COL6A6: variants seen among roughly 807,000 people sequenced by gnomAD.
COL6A6 encodes collagen alpha-6(VI) chain.
COL6A6 carries 183 observed loss-of-function variants against 208.6 expected under a neutral mutation model. The ratio of observed to expected loss-of-function variants is 0.88; its 90% confidence interval spans 0.78 to 0.99. The LOEUF (loss-of-function observed/expected upper bound fraction) is 0.99, where lower values mean the gene tolerates loss of function less well. COL6A6 is among the 50% of genes least tolerant of loss of function. The pLI is 0.00. For missense variants in COL6A6, 2,816 were observed against 2,815.2 expected (o/e 1.00, Z -0.01); for synonymous variants, 973 against 1,011.8 (o/e 0.96, Z 0.73).
At chr3:130,536,222 G>A (rs2062220857) in intron 1 of COL6A6, among the ~76,000 whole-genome samples, 1 of 152,062 alleles carries the variant, frequency 6.6e-6, no homozygotes, top group Non-Finnish European at 1.5e-5. Flanking sequence ...ACCAAATTCT[G>A]TTCATCCTTT....
chr3:130,580,361 A>G (rs2063391301), intron 8 of COL6A6, among the ~76,000 whole-genome samples: 1 of 152,192 alleles, frequency 6.6e-6, no homozygotes, highest in South Asian at 2.1e-4. Context: ...TAACACTTTG[A>G]TTTACCTTGA....
chr3:130,621,825 C>A lies in COL6A6; in HGVS notation c.4820C>A (p.Pro1607His), dbSNP rs764725422. The stretch of plus-strand genomic sequence containing the variant: ...AAACCCCTTGTTTTGTTTCAGGGGC[C>A]TCCAGGACCCGGAGGAGAGGCAGGG... ...GGVGSKGPQG[P>H]PGPGGEAGNQ... Residue 1607 changes from proline (P) to histidine (H), a missense_variant, in exon 24 of 37, where the codon CCT (proline) becomes CAT (histidine). By Grantham distance (77) the Pro-to-His change is moderately conservative. Transcript: ENST00000358511. The A allele has an allele frequency of 6.2e-7, 1 of 1,613,720 alleles. No individual in the cohort carries two copies. The highest frequency in any genetic ancestry group is 1.1e-5 in the South Asian group (1 of 91,066).
chr3:130,581,046 A>G (rs1490346267), intron 8 of COL6A6, among the ~76,000 whole-genome samples: 1 of 152,048 alleles, frequency 6.6e-6, no homozygotes, highest in East Asian at 1.9e-4. Context: ...GAAGACAACA[A>G]GAGGAATCAA....
At chr3:130,561,347 T>C (rs1002041952) in intron 2 of COL6A6, among the ~76,000 whole-genome samples, 4 of 152,240 alleles carry the variant, frequency 2.6e-5, no homozygotes, top group Admixed American at 6.5e-5. Context: ...CTCTCACTTA[T>C]TTCTTCCCCT....
intron 11 of COL6A6, among the ~76,000 whole-genome samples, chr3:130,586,942 T>C (rs1410985791): frequency 6.6e-6 from 1 of 152,178 alleles, no homozygotes; most frequent in African/African-American, 2.4e-5. Flanking sequence ...GTCCAAATTA[T>C]AGCCAAAGAA....
At chr3:130,577,628 G>A (rs2063328201) in intron 8 of COL6A6, among the ~76,000 whole-genome samples, 1 of 152,230 alleles carries the variant, frequency 6.6e-6, no homozygotes, top group African/African-American at 2.4e-5. Context: ...GGTTCAGCAT[G>A]TGGACTCCAG....
At chr3:130,547,594 C>T (rs1310007963) in intron 1 of COL6A6, among the ~76,000 whole-genome samples, 1 of 152,252 alleles carries the variant, frequency 6.6e-6, no homozygotes, top group Non-Finnish European at 1.5e-5. Flanking sequence ...CGAGTGAGGG[C>T]CGCCAGCATG....
chr3:130,675,945 A>C lies in COL6A6; in HGVS notation c.*548A>C, dbSNP rs1019703143. On this transcript the variant is annotated 3_prime_UTR_variant, in exon 37 of 37. Transcript: ENST00000358511. ...GAGTTGTTTGCTTGGACTGATGAGA[A>C]GAGGGTAATTTTCTCCATCTCTAAA... 6.6e-6 allele frequency: 1 copy of C among 152,172 alleles called. No homozygotes were observed. The highest frequency in any genetic ancestry group is 2.4e-5 in the African/African-American group (1 of 41,428). 9.4% of individuals were successfully genotyped at this position (152,172 alleles called of 1,614,324 possible).
chr3:130,542,108 G>T (rs2062378313), intron 1 of COL6A6, among the ~76,000 whole-genome samples: 1 of 149,424 alleles, frequency 6.7e-6, no homozygotes. Context: ...TCTTTTTCAG[G>T]GAACCATCTT....
At chr3:130,663,458 A>G (rs1018942306) in intron 35 of COL6A6, among the ~76,000 whole-genome samples, 1 of 152,132 alleles carries the variant, frequency 6.6e-6, no homozygotes, top group Non-Finnish European at 1.5e-5. Flanking sequence ...ATGTGGATGT[A>G]TTCTGGAATA....
chr3:130,555,531 C>T (rs1045356978), intron 1 of COL6A6, among the ~76,000 whole-genome samples: 5 of 152,092 alleles, frequency 3.3e-5, no homozygotes, highest in African/African-American at 9.7e-5. Context: ...TCTTTTTTTT[C>T]AATCTTTGTG....
At chr3:130,549,650 C>G (rs1429544404) in intron 1 of COL6A6, among the ~76,000 whole-genome samples, 1 of 152,036 alleles carries the variant, frequency 6.6e-6, no homozygotes, top group Non-Finnish European at 1.5e-5. Flanking sequence ...AATAGGGAGT[C>G]TTTTCCCTAT....
intron 1 of COL6A6, among the ~76,000 whole-genome samples, chr3:130,549,237 A>G (rs945724679): frequency 4.4e-4 from 67 of 152,256 alleles, no homozygotes; most frequent in Middle Eastern, 3.4e-3. Flanking sequence ...TGGCATGATC[A>G]TGGCTCACTG....
At chr3:130,627,881 T>G (rs2064939023) in intron 26 of COL6A6, among the ~76,000 whole-genome samples, 1 of 152,214 alleles carries the variant, frequency 6.6e-6, no homozygotes, top group South Asian at 2.1e-4. Flanking sequence ...ACCAGTGATT[T>G]CTGTATACTA....
chr3:130,604,612 C>G (rs576861842), intron 20 of COL6A6, among the ~76,000 whole-genome samples: 1 of 152,150 alleles, frequency 6.6e-6, no homozygotes, highest in East Asian at 1.9e-4. Context: ...ATCCATTAGG[C>G]TTATAAACTA....
intron 31 of COL6A6, 132 bp from the exon 32 acceptor site, chr3:130,644,859 C>T: frequency 2.5e-6 from 2 of 799,780 alleles, no homozygotes; most frequent in South Asian, 3.0e-5. Context: ...TGCATTTTCT[C>T]CAAACTCTGT....
At chr3:130,541,791 A>C (rs963425999) in intron 1 of COL6A6, among the ~76,000 whole-genome samples, 12 of 152,238 alleles carry the variant, frequency 7.9e-5, no homozygotes, top group Admixed American at 4.6e-4. Context: ...ACCAGTGAAC[A>C]TACATGGGTT....
intron 1 of COL6A6, among the ~76,000 whole-genome samples, chr3:130,518,148 T>C (rs1233840234): frequency 6.6e-6 from 1 of 152,166 alleles, no homozygotes; most frequent in African/African-American, 2.4e-5. Flanking sequence ...GTCTACTCTA[T>C]GGATATATTT....
At chr3:130,634,749 G>A (rs1393393132) in intron 27 of COL6A6, 124 bp downstream of exon 27, 1 of 680,574 alleles carries the variant, frequency 1.5e-6, no homozygotes, top group African/African-American at 1.9e-5. Context: ...TGCGGAGAAG[G>A]AGGGAAGAAA....
Sources: gnomAD v4.1 joint callset for allele counts (sites outside exome capture counted in the v4.1 genomes callset) on GRCh38, gnomAD v4.1.1 for gene constraint, MANE v1.5 for transcripts, NCBI Gene and HGNC (gene_info 2026-07-23, HGNC 2026-07-21) for gene names.